The following RGS7 variants were observed in gnomAD, a reference collection of about 807,000 sequenced individuals.
The protein encoded by RGS7 is regulator of G-protein signaling 7.
A neutral mutation model predicts 81.1 loss-of-function variants in RGS7; 27 were observed. The observed-to-expected ratio is 0.33, with a 90% CI of 0.25 to 0.46. The LOEUF (loss-of-function observed/expected upper bound fraction) is 0.46. Among genes scored for constraint, RGS7 ranks in the 20% least tolerant of loss-of-function variants. The probability of loss-of-function intolerance (pLI) is 1.00; values close to 1 mark genes in which losing one functional copy is unlikely to be tolerated. For synonymous variants in RGS7, 208 were observed against 207.7 expected, an observed-to-expected ratio of 1.00 and a Z score of -0.01; for missense variants, 396 against 607.4, an observed-to-expected ratio of 0.65 and a Z score of 3.66.
At chr1:240,817,849 C>T (rs569372108) in intron 10 of RGS7, among the ~76,000 whole-genome samples, 13 of 152,260 alleles carry the variant, frequency 8.5e-5, no homozygotes, top group East Asian at 3.9e-4. Flanking sequence ...GCGACCCATC[C>T]GCCTTGGCCT....
intron 3 of RGS7, among the ~76,000 whole-genome samples, chr1:240,984,377 G>A (rs1292739889): frequency 1.3e-5 from 2 of 152,060 alleles, no homozygotes; most frequent in African/African-American, 4.8e-5. Context: ...AGTGTACAAA[G>A]GAATTTCTTA....
chr1:240,779,875 C>G (rs1683675728), intron 18 of RGS7, among the ~76,000 whole-genome samples: 1 of 152,110 alleles, frequency 6.6e-6, no homozygotes, highest in Non-Finnish European at 1.5e-5. Context: ...ATTATTAACA[C>G]TATCATTATA....
At chr1:241,014,605 A>G (rs1408884834) in intron 3 of RGS7, among the ~76,000 whole-genome samples, 1 of 152,226 alleles carries the variant, frequency 6.6e-6, no homozygotes, top group African/African-American at 2.4e-5. Flanking sequence ...TCACTGGATC[A>G]GTCATGTAAC....
chr1:240,806,997 G>A (rs1444660859), intron 14 of RGS7, among the ~76,000 whole-genome samples: 1 of 152,170 alleles, frequency 6.6e-6, no homozygotes, highest in Non-Finnish European at 1.5e-5. Flanking sequence ...AAAGCAGCAA[G>A]CTTTCACATG....
At chr1:240,807,101 T>C (rs1364515675) in intron 14 of RGS7, among the ~76,000 whole-genome samples, 1 of 152,182 alleles carries the variant, frequency 6.6e-6, no homozygotes, top group Non-Finnish European at 1.5e-5. Flanking sequence ...GATAGACTTA[T>C]TTATACCATA....
chr1:241,270,468 T>G (rs549025342), intron 2 of RGS7, among the ~76,000 whole-genome samples: 1 of 152,236 alleles, frequency 6.6e-6, no homozygotes, highest in African/African-American at 2.4e-5. Flanking sequence ...ACTTTTATCT[T>G]AAATCTACTT....
chr1:240,954,933 T>C (rs901101237), intron 4 of RGS7, among the ~76,000 whole-genome samples: 1 of 152,192 alleles, frequency 6.6e-6, no homozygotes, highest in Non-Finnish European at 1.5e-5. Flanking sequence ...TAAAAGTTAA[T>C]TGCTCTCTTA....
chr1:240,878,678 T>G (rs1665882687), intron 6 of RGS7, among the ~76,000 whole-genome samples: 1 of 152,086 alleles, frequency 6.6e-6, no homozygotes, highest in South Asian at 2.1e-4. Flanking sequence ...TACTAAACAA[T>G]GCAGAAAATA....
At chr1:240,944,282 G>GTGTGTGTGTA (rs1352421845) in intron 4 of RGS7, among the ~76,000 whole-genome samples, 3 of 55,822 alleles carry the variant, frequency 5.4e-5, no homozygotes, top group African/African-American at 1.7e-4. Context: ...GTGTGTGTGT[G>GTGTGTGTGTA]TATATATATA....
chr1:241,348,435 C>T (rs1460241972), intron 2 of RGS7, among the ~76,000 whole-genome samples: 2 of 152,172 alleles, frequency 1.3e-5, no homozygotes, highest in African/African-American at 2.4e-5. Flanking sequence ...CCACGATGCC[C>T]ATGAAGCAAC....
At chr1:241,339,734 G>A (rs1405026357) in intron 2 of RGS7, among the ~76,000 whole-genome samples, 5 of 152,148 alleles carry the variant, frequency 3.3e-5, no homozygotes, top group Non-Finnish European at 7.4e-5. Context: ...AAAGGTGCAT[G>A]CCCTTTTTTT....
chr1:240,949,060 A>C (rs1679124100), intron 4 of RGS7, among the ~76,000 whole-genome samples: 1 of 152,168 alleles, frequency 6.6e-6, no homozygotes, highest in South Asian at 2.1e-4. Flanking sequence ...GAAAGAAAAG[A>C]CATTTCAAGT....
intron 2 of RGS7, among the ~76,000 whole-genome samples, chr1:241,160,880 G>T (rs962894767): frequency 6.6e-6 from 1 of 152,110 alleles, no homozygotes; most frequent in African/African-American, 2.4e-5. Context: ...GCAGGACTTT[G>T]CAAAGTGGAC....
Position 241,248,839 on chromosome 1 carries a change from G to A in RGS7, c.78+106860C>T, listed in dbSNP as rs188609792. Among the ~76,000 whole-genome samples, 27 of 152,288 alleles carry A rather than the reference G, an allele frequency of 1.8e-4. No homozygotes were observed. The East Asian group carries it at 5.0e-3, about 28-fold the overall frequency. On this transcript the variant is annotated intron_variant, in intron 2 of 18. Transcript: ENST00000440928. ...ATACAGCAAAACCTCTCACTATTCA[G>A]AGGACCTTTAACATGGCCACAAGGC...
At chr1:241,349,479 G>A (rs1305049043) in intron 2 of RGS7, among the ~76,000 whole-genome samples, 1 of 152,158 alleles carries the variant, frequency 6.6e-6, no homozygotes, top group Non-Finnish European at 1.5e-5. Context: ...TAGACCAGGT[G>A]GCAATTTCAG....
chr1:240,902,248 C>CA (rs1446903136), intron 6 of RGS7, among the ~76,000 whole-genome samples: 1 of 152,136 alleles, frequency 6.6e-6, no homozygotes, highest in Non-Finnish European at 1.5e-5. Flanking sequence ...GTTTAAACTA[C>CA]AAAAAACTAC....
chr1:241,223,475 T>C (rs2075131197), intron 2 of RGS7, among the ~76,000 whole-genome samples: 1 of 152,032 alleles, frequency 6.6e-6, no homozygotes. Context: ...AAGAAGATAG[T>C]AAAATTGTGT....
chr1:241,257,826 T>C (rs567385646), intron 2 of RGS7, among the ~76,000 whole-genome samples: 1 of 152,294 alleles, frequency 6.6e-6, no homozygotes, highest in Admixed American at 6.5e-5. Context: ...CAGAAAGTGT[T>C]TGCTAGAATT....
At chr1:241,353,341 T>G (rs1189075620) in intron 2 of RGS7, among the ~76,000 whole-genome samples, 1 of 152,162 alleles carries the variant, frequency 6.6e-6, no homozygotes, top group African/African-American at 2.4e-5. Flanking sequence ...ATAGAAAAAA[T>G]AGAAGCATAA....
Sources: allele counts gnomAD v4.1 joint callset (sites outside exome capture counted in the v4.1 genomes callset), GRCh38; gene constraint gnomAD v4.1.1; transcripts MANE v1.5; gene names NCBI Gene and HGNC (gene_info 2026-07-23, HGNC 2026-07-21).